RHPN2: variants seen among roughly 807,000 people sequenced by gnomAD.
RHPN2 encodes the protein rhophilin Rho GTPase binding protein 2, also known as rhophilin-2.
Under a neutral mutation model 79.0 loss-of-function variants are expected in RHPN2, and 40 were observed. The observed-to-expected ratio is 0.51, with a 90% CI of 0.39 to 0.66. RHPN2 has a LOEUF of 0.66. RHPN2 is among the 30% of genes least tolerant of loss of function. RHPN2 has a pLI of 0.00. For missense variants in RHPN2, 686 were observed against 883.5 expected (o/e 0.78, Z 2.83); for synonymous variants, 285 against 363.5 (o/e 0.78, Z 2.46).
intron 14 of RHPN2, among the ~76,000 whole-genome samples, chr19:32,981,546 C>G (rs1971575179): frequency 6.6e-6 from 1 of 150,798 alleles, no homozygotes; most frequent in Non-Finnish European, 1.5e-5. Flanking sequence ...AGCAATAGGT[C>G]TCCCTGTCAC....
rs1317200876 is a variant in RHPN2, at chr19:33,011,604, C to T, written c.593+75G>A. The T allele has an allele frequency of 8.8e-6, 14 of 1,598,952 alleles. No individual in the cohort carries two copies. The East Asian group carries it at 2.2e-4, about 26-fold the overall frequency. The stretch of plus-strand genomic sequence containing the variant: ...GTGCACAGGGGCACCCGCAGAGGGG[C>T]GTCTGTGATGCTGAGGCTCCAAAAT... On this transcript the variant is annotated intron_variant, in intron 6 of 14. Transcript: ENST00000254260.
At chr19:33,023,102 G>A (rs1229188497) in intron 3 of RHPN2, among the ~76,000 whole-genome samples, 2 of 152,088 alleles carry the variant, frequency 1.3e-5, no homozygotes, top group Admixed American at 6.6e-5. Flanking sequence ...AGACTGTAAA[G>A]ATCAACCATG....
chr19:33,009,584 G>A (rs1971820615), intron 6 of RHPN2, among the ~76,000 whole-genome samples: 1 of 151,906 alleles, frequency 6.6e-6, no homozygotes, highest in Non-Finnish European at 1.5e-5. Flanking sequence ...CCAAGTAGGT[G>A]GGACTACAGG....
rs1971924878 is a variant in RHPN2 at position 33,021,649 on chromosome 19, A to G, written c.315-3T>C. ...TCAGGGGAATCGTAAATGCCTCCCTATGAGGAACACAACAAGGTATGTATG... is the reference window on the plus strand; with the variant it reads ...TCAGGGGAATCGTAAATGCCTCCCTGTGAGGAACACAACAAGGTATGTATG... On this transcript the variant is annotated splice_polypyrimidine_tract_variant and splice_region_variant and intron_variant, in intron 3 of 14. Transcript: ENST00000254260. The G allele has an allele frequency of 1.2e-6, 2 of 1,612,626 alleles. No individual in the cohort carries two copies. The highest frequency in any genetic ancestry group is 1.7e-6 in the Non-Finnish European group (2 of 1,178,756).
At chr19:33,026,827 G>T in intron 2 of RHPN2, 195 bp from the exon 3 acceptor site, 2 of 585,164 alleles carry the variant, frequency 3.4e-6, no homozygotes, top group Non-Finnish European at 6.3e-6. Flanking sequence ...ACGTGGAGCT[G>T]GGGACACAGG....
Position 33,026,537 on chromosome 19 carries a change from A to C in RHPN2, c.281T>G (p.Leu94Arg). 1 of 1,608,590 alleles carries C rather than the reference A, an allele frequency of 6.2e-7. No homozygotes were observed. Among genetic ancestry groups the C allele is most frequent in the Non-Finnish European group, 8.5e-7 (1 of 1,179,730 alleles). The stretch of plus-strand genomic sequence containing the variant: ...CTGATAGACGCCCACCGAGATGTTC[A>C]GCCCCTCCAGCTCTTCCTTGAGCAT... ...LQMLKEELEG[L>R]NISVGVYQNT... Residue 94 changes from leucine to arginine, a missense_variant, in exon 3 of 15, where the codon CTG (leucine) becomes CGG (arginine). Leu to Arg is a moderately radical substitution (Grantham distance 102). Transcript: ENST00000254260.
chr19:33,051,124 T>C (rs1197939109), intron 1 of RHPN2, among the ~76,000 whole-genome samples: 1 of 152,186 alleles, frequency 6.6e-6, no homozygotes, highest in Non-Finnish European at 1.5e-5. Flanking sequence ...CCTGAGTAGC[T>C]GGGATTACAG....
intron 1 of RHPN2, among the ~76,000 whole-genome samples, chr19:33,056,992 C>T (rs1374427631): frequency 1.3e-5 from 2 of 151,106 alleles, no homozygotes; most frequent in African/African-American, 4.9e-5. Context: ...TGGTGGCGGT[C>T]GCCTGTAGTC....
intron 10 of RHPN2, among the ~76,000 whole-genome samples, chr19:32,998,864 AC>A (rs1489389754): frequency 8.3e-6 from 1 of 120,082 alleles, no homozygotes; most frequent in Non-Finnish European, 1.7e-5. Context: ...GAGAGGGAGG[AC>A]CAGAGGAGAG....
intron 9 of RHPN2, among the ~76,000 whole-genome samples, chr19:33,000,695 A>G (rs527874068): frequency 5.9e-5 from 9 of 151,964 alleles, no homozygotes; most frequent in Non-Finnish European, 1.3e-4. Context: ...TCCTGCTCTC[A>G]AACCTCACAA....
At chr19:33,047,775 G>C (rs1227595409) in intron 1 of RHPN2, among the ~76,000 whole-genome samples, 1 of 152,062 alleles carries the variant, frequency 6.6e-6, no homozygotes, top group African/African-American at 2.4e-5. Context: ...AATGGTCATG[G>C]TAGCTCACAA....
intron 14 of RHPN2, among the ~76,000 whole-genome samples, chr19:32,989,037 G>C (rs1430774477): frequency 1.3e-5 from 2 of 152,152 alleles, no homozygotes; most frequent in Non-Finnish European, 2.9e-5. Flanking sequence ...AAGGTCGAGG[G>C]TACATCATTA....
At chr19:33,064,755 T>TGGGCGCCCC in intron 1 of RHPN2, 29 bp downstream of exon 1, 1 of 1,427,948 alleles carries the variant, frequency 7.0e-7, no homozygotes, top group Non-Finnish European at 9.4e-7. Context: ...AGCCCGCAGG[T>TGGGCGCCCC]CCCCGCCCGC....
intron 3 of RHPN2, among the ~76,000 whole-genome samples, chr19:33,025,323 A>AAT (rs1328818512): frequency 1.3e-5 from 2 of 151,328 alleles, no homozygotes; most frequent in South Asian, 4.2e-4. Flanking sequence ...AAAAAAAAAA[A>AAT]AAAAAACAAT....
chr19:32,985,324 A>G (rs537452167), intron 14 of RHPN2, among the ~76,000 whole-genome samples: 1 of 152,266 alleles, frequency 6.6e-6, no homozygotes, highest in South Asian at 2.1e-4. Context: ...AAAACAAACA[A>G]AACAAAAAAC....
intron 4 of RHPN2, among the ~76,000 whole-genome samples, chr19:33,013,406 G>A (rs12461798): frequency 0.25 from 37,366 of 151,500 alleles, 4,652 homozygotes; most frequent in East Asian, 0.37. Flanking sequence ...CATTGCCCAG[G>A]CTGGTCTCAA....
At chr19:33,010,274 A>G (rs1971825119) in intron 6 of RHPN2, among the ~76,000 whole-genome samples, 2 of 152,006 alleles carry the variant, frequency 1.3e-5, no homozygotes, top group Non-Finnish European at 2.9e-5. Context: ...CTGTAGAAAC[A>G]TTGAATTCTG....
In RHPN2 at chr19:33,002,304, G is replaced by A; in HGVS notation, c.1048C>T (p.His350Tyr). ...TAGTGGGCCAGGGCCGCGTAGTGGTGGGCCTTCACGCAGGCTAAGCTGGCC... is the reference window on the plus strand; with the variant it reads ...TAGTGGGCCAGGGCCGCGTAGTGGTAGGCCTTCACGCAGGCTAAGCTGGCC... ...SWASLACVKAHHYAALAHYFT... is the reference protein window; with the variant it reads ...SWASLACVKAYHYAALAHYFT... The change falls in exon 9 of 15, where the codon CAC (histidine) becomes TAC (tyrosine). Residue 350 changes from histidine (H) to tyrosine (Y), a missense_variant. Transcript: ENST00000254260. The A allele has an allele frequency of 1.2e-6, 2 of 1,613,858 alleles. No individual in the cohort carries two copies. Among genetic ancestry groups the A allele is most frequent in the Non-Finnish European group, 1.7e-6 (2 of 1,179,874 alleles).
At chr19:32,989,332 C>A (rs1311011634) in intron 14 of RHPN2, among the ~76,000 whole-genome samples, 1 of 152,134 alleles carries the variant, frequency 6.6e-6, no homozygotes, top group East Asian at 1.9e-4. Flanking sequence ...TGGTCTTCAA[C>A]TCCTGACTTC....
Sources: allele counts gnomAD v4.1 joint callset (sites outside exome capture counted in the v4.1 genomes callset), GRCh38; gene constraint gnomAD v4.1.1; transcripts MANE v1.5; gene names NCBI Gene and HGNC (gene_info 2026-07-23, HGNC 2026-07-21).